Variants in CNTNAP2 observed in about 807,000 individuals in gnomAD.
CNTNAP2 encodes contactin associated protein 2.
In CNTNAP2, 98 loss-of-function variants were observed where a neutral mutation model predicts 155.2. That is an observed-to-expected ratio of 0.63 (90% confidence interval 0.54 to 0.75). CNTNAP2 has a LOEUF of 0.75. Ranked by LOEUF, CNTNAP2 falls within the 30% of genes least tolerant of loss-of-function variation. CNTNAP2 has a pLI of 0.00. For missense variants in CNTNAP2, 1,727 were observed against 1,688.1 expected (o/e 1.02, Z -0.40); for synonymous variants, 651 against 631.2 (o/e 1.03, Z -0.47).
intron 3 of CNTNAP2, among the ~76,000 whole-genome samples, chr7:147,034,153 G>C (rs1306117859): frequency 6.6e-6 from 1 of 152,122 alleles, no homozygotes; most frequent in Non-Finnish European, 1.5e-5. Flanking sequence ...GTAATTTCCG[G>C]GCATTGCCAT....
chr7:148,128,320 T>C (rs1428803600), intron 16 of CNTNAP2, among the ~76,000 whole-genome samples: 2 of 152,168 alleles, frequency 1.3e-5, no homozygotes, highest in Non-Finnish European at 2.9e-5. Flanking sequence ...GACTTGGTCA[T>C]TACTATACAT....
intron 8 of CNTNAP2, among the ~76,000 whole-genome samples, chr7:147,139,227 C>A (rs1433643657): frequency 6.6e-6 from 1 of 151,942 alleles, no homozygotes; most frequent in Non-Finnish European, 1.5e-5. Flanking sequence ...ACAATGTGGT[C>A]CTTTACCTTT....
At chr7:147,559,660 A>G (rs1377848881) in intron 11 of CNTNAP2, among the ~76,000 whole-genome samples, 1 of 152,162 alleles carries the variant, frequency 6.6e-6, no homozygotes, top group Non-Finnish European at 1.5e-5. Context: ...GGCAGATTGG[A>G]CAAAGGGACT....
chr7:148,244,435 A>G (rs1796217317), intron 20 of CNTNAP2, among the ~76,000 whole-genome samples: 1 of 152,140 alleles, frequency 6.6e-6, no homozygotes, highest in Admixed American at 6.5e-5. Flanking sequence ...AGGAATGAGT[A>G]TTGAGCCCAG....
chr7:148,217,519 C>T lies in CNTNAP2; in HGVS notation c.3242C>T (p.Pro1081Leu). 1 of 1,614,122 alleles carries T rather than the reference C, an allele frequency of 6.2e-7. No homozygotes were observed. Among genetic ancestry groups the T allele is most frequent in the African/African-American group, 1.3e-5 (1 of 75,052 alleles). Residue 1081 changes from proline (P) to leucine (L), a missense_variant, in exon 19 of 24, where the codon CCC becomes CTC. By Grantham distance (98) the Pro-to-Leu change is moderately conservative. Transcript: ENST00000361727. ...TTDFLAVLVK[P>L]TGSLQIRYNL... ...GACTTCTTGGCAGTCCTCGTCAAACCCACTGGTAAGGACAAGGATACCCAG... is the reference window on the plus strand; with the variant it reads ...GACTTCTTGGCAGTCCTCGTCAAACTCACTGGTAAGGACAAGGATACCCAG...
intron 1 of CNTNAP2, among the ~76,000 whole-genome samples, chr7:146,550,415 T>TTTTTTTG (rs1554447440): frequency 0.018 from 2,036 of 115,772 alleles, 169 homozygotes; most frequent in Non-Finnish European, 0.029. Flanking sequence ...TTTTTTTTTT[T>TTTTTTTG]TTTTTTTTTT....
intron 10 of CNTNAP2, among the ~76,000 whole-genome samples, chr7:147,454,928 C>A (rs1318803957): frequency 6.6e-6 from 1 of 152,102 alleles, no homozygotes; most frequent in Non-Finnish European, 1.5e-5. Flanking sequence ...ATTTGAGAAA[C>A]TGACTCCCCC....
intron 13 of CNTNAP2, among the ~76,000 whole-genome samples, chr7:147,716,635 G>C (rs929116019): frequency 1.3e-5 from 2 of 152,100 alleles, no homozygotes; most frequent in African/African-American, 4.8e-5. Flanking sequence ...CTTTTCTATT[G>C]ACGCAGCTAC....
At chr7:146,753,684 A>G (rs1289435479) in intron 1 of CNTNAP2, among the ~76,000 whole-genome samples, 1 of 152,032 alleles carries the variant, frequency 6.6e-6, no homozygotes, top group Non-Finnish European at 1.5e-5. Flanking sequence ...CCTGGAAAAC[A>G]TTGTCTTGGT....
chr7:146,514,019 G>A (rs886920308), intron 1 of CNTNAP2, among the ~76,000 whole-genome samples: 1 of 151,566 alleles, frequency 6.6e-6, no homozygotes, highest in East Asian at 1.9e-4. Context: ...TTTAACTTCA[G>A]TACTTTTTAT....
intron 21 of CNTNAP2, among the ~76,000 whole-genome samples, chr7:148,279,765 T>C (rs1796939896): frequency 6.6e-6 from 1 of 152,158 alleles, no homozygotes; most frequent in Admixed American, 6.5e-5. Context: ...ATAAAGTCAT[T>C]CAGGTGTTGC....
At chr7:147,119,196 A>C (rs756656157) in intron 5 of CNTNAP2, among the ~76,000 whole-genome samples, 5 of 152,192 alleles carry the variant, frequency 3.3e-5, no homozygotes, top group Non-Finnish European at 7.4e-5. Context: ...ATTTTTTCAA[A>C]CTTTTCATTT....
At chr7:146,719,409 A>T (rs992149538) in intron 1 of CNTNAP2, among the ~76,000 whole-genome samples, 3 of 152,228 alleles carry the variant, frequency 2.0e-5, no homozygotes, top group Admixed American at 1.3e-4. Flanking sequence ...TAACAGTAGG[A>T]GACAATGTTT....
chr7:147,784,891 G>A (rs540309418), intron 13 of CNTNAP2, among the ~76,000 whole-genome samples: 15 of 152,000 alleles, frequency 9.9e-5, no homozygotes, highest in African/African-American at 3.1e-4. Context: ...AAATGAACAC[G>A]ATATTGTGAT....
intron 9 of CNTNAP2, among the ~76,000 whole-genome samples, chr7:147,339,148 A>G (rs66818516): frequency 0.23 from 34,549 of 151,968 alleles, 4,306 homozygotes; most frequent in Non-Finnish European, 0.28. Context: ...TTTGTTATTT[A>G]TAAACAATAA....
At chr7:147,006,781 C>T (rs1798532696) in intron 3 of CNTNAP2, among the ~76,000 whole-genome samples, 1 of 151,956 alleles carries the variant, frequency 6.6e-6, no homozygotes, top group African/African-American at 2.4e-5. Flanking sequence ...ACTATGTTTC[C>T]TTGTAATGCT....
intron 1 of CNTNAP2, among the ~76,000 whole-genome samples, chr7:146,436,955 T>G (rs1796251876): frequency 6.6e-6 from 1 of 151,502 alleles, no homozygotes; most frequent in African/African-American, 2.4e-5. Flanking sequence ...TCTCTATAAA[T>G]TATAATTCTA....
chr7:147,141,114 C>T (rs1217771594), intron 8 of CNTNAP2, among the ~76,000 whole-genome samples: 1 of 152,140 alleles, frequency 6.6e-6, no homozygotes, highest in East Asian at 1.9e-4. Flanking sequence ...ATTGAGAAAC[C>T]TTTCTATCTC....
Position 146,858,816 on chromosome 7 carries a change from CTTA to C in CNTNAP2, c.402+18918_402+18920del, listed in dbSNP as rs575690477. Reference sequence around the variant, plus strand: ...TTTTGCATTTTTATTATAATGTAAGCTTATTATTTAATATTCTTCTCCTTTAGA... The same window carrying C: ...TTTTGCATTTTTATTATAATGTAAGCTTATTTAATATTCTTCTCCTTTAGA... On this transcript the variant is annotated intron_variant, in intron 3 of 23. Transcript: ENST00000361727. Among the ~76,000 whole-genome samples the C allele has an allele frequency of 2.6e-5, 4 of 152,072 alleles. No homozygotes were observed. The East Asian group carries it at 7.7e-4, about 29-fold the overall frequency.
Sources: gnomAD v4.1 joint callset for allele counts (sites outside exome capture counted in the v4.1 genomes callset) on GRCh38, gnomAD v4.1.1 for gene constraint, MANE v1.5 for transcripts, NCBI Gene and HGNC (gene_info 2026-07-23, HGNC 2026-07-21) for gene names.